The following SLC13A3 variants were observed in gnomAD, a reference collection of about 807,000 sequenced individuals.
The protein encoded by SLC13A3 is solute carrier family 13 member 3.
In SLC13A3, 40 loss-of-function variants were observed where a neutral mutation model predicts 59.0. The ratio of observed to expected loss-of-function variants is 0.68; its 90% CI spans 0.53 to 0.88. SLC13A3 has a LOEUF of 0.88. SLC13A3 is among the 40% of genes least tolerant of loss of function. SLC13A3 has a pLI of 0.00. For missense variants in SLC13A3, 699 were observed against 783.2 expected (o/e 0.89, Z 1.28); for synonymous variants, 317 against 330.3 (o/e 0.96, Z 0.44).
intron 1 of SLC13A3, among the ~76,000 whole-genome samples, chr20:46,634,734 C>T (rs1380124882): frequency 6.6e-6 from 1 of 152,142 alleles, no homozygotes; most frequent in East Asian, 1.9e-4. Context: ...CTCCTGGTGG[C>T]CTCACTCAGC....
chr20:46,639,850 G>A (rs1415737954), intron 1 of SLC13A3, among the ~76,000 whole-genome samples: 1 of 152,150 alleles, frequency 6.6e-6, no homozygotes. Flanking sequence ...TGTAAAATGG[G>A]TCCATCACCT....
intron 1 of SLC13A3, among the ~76,000 whole-genome samples, chr20:46,683,789 C>T (rs556274979): frequency 1.1e-3 from 170 of 152,288 alleles, no homozygotes; most frequent in Non-Finnish European, 1.9e-3. Context: ...CACCGCGTTC[C>T]CTGCCTCAGT....
intron 5 of SLC13A3, among the ~76,000 whole-genome samples, chr20:46,593,523 G>A (rs2062280635): frequency 6.6e-6 from 1 of 152,062 alleles, no homozygotes; most frequent in Non-Finnish European, 1.5e-5. Flanking sequence ...ATTCTAAGAG[G>A]TTTTTATTTC....
At chr20:46,665,840 T>A (rs556098367) in intron 1 of SLC13A3, among the ~76,000 whole-genome samples, 1 of 152,348 alleles carries the variant, frequency 6.6e-6, no homozygotes, top group East Asian at 1.9e-4. Context: ...GTGTCTGCAC[T>A]ATTTCACAAT....
At chr20:46,665,101 A>G (rs1044656961) in intron 1 of SLC13A3, among the ~76,000 whole-genome samples, 1 of 152,144 alleles carries the variant, frequency 6.6e-6, no homozygotes, top group Non-Finnish European at 1.5e-5. Context: ...CACCTGTTTA[A>G]AAGTGAATAT....
At chr20:46,637,116 T>A (rs1462233225) in intron 1 of SLC13A3, among the ~76,000 whole-genome samples, 1 of 152,138 alleles carries the variant, frequency 6.6e-6, no homozygotes, top group Non-Finnish European at 1.5e-5. Context: ...TTCAATTCTC[T>A]TATGTTTACC....
At chr20:46,567,574 G>A (rs914714867) in intron 10 of SLC13A3, among the ~76,000 whole-genome samples, 4 of 152,122 alleles carry the variant, frequency 2.6e-5, no homozygotes, top group African/African-American at 9.7e-5. Context: ...TAAATTAAGA[G>A]CAATGCCCAG....
intron 12 of SLC13A3, among the ~76,000 whole-genome samples, chr20:46,560,449 G>A (rs867619321): frequency 2.6e-5 from 4 of 152,144 alleles, no homozygotes; most frequent in Non-Finnish European, 5.9e-5. Context: ...TGTGTGCTAC[G>A]CAGTTGTCAC....
chr20:46,575,258 T>C lies in SLC13A3; in HGVS notation c.1332+315A>G, dbSNP rs748474479. Reference sequence around the variant, plus strand: ...AAGCATGTTGAACAGTGTCTGGCATTGGGTGAGCGCAATATGTTGTTATCC... The same window carrying C: ...AAGCATGTTGAACAGTGTCTGGCATCGGGTGAGCGCAATATGTTGTTATCC... On this transcript the variant is annotated intron_variant, in intron 10 of 12. Coordinates refer to ENST00000279027, the MANE Select transcript of SLC13A3 (RefSeq NM_022829.6). Among the ~76,000 whole-genome samples the C allele has an allele frequency of 5.3e-5, 8 of 152,214 alleles. No individual in the cohort carries two copies. In the East Asian group the frequency reaches 1.5e-3, roughly 29 times the overall value.
intron 1 of SLC13A3, among the ~76,000 whole-genome samples, chr20:46,646,088 T>C (rs1296013019): frequency 2.0e-5 from 3 of 152,080 alleles, no homozygotes; most frequent in African/African-American, 7.2e-5. Flanking sequence ...AATGAGATGA[T>C]AGAAGGTAAA....
At chr20:46,600,548 C>A in intron 3 of SLC13A3, 1 of 421,730 alleles carries the variant, frequency 2.4e-6, no homozygotes, top group Non-Finnish European at 5.1e-6. Context: ...GGTTTAGCTG[C>A]AGGGCTGCTT....
chr20:46,570,397 AT>A (rs1339884954), intron 10 of SLC13A3, among the ~76,000 whole-genome samples: 3 of 152,262 alleles, frequency 2.0e-5, no homozygotes, highest in Non-Finnish European at 4.4e-5. Flanking sequence ...CAATAAGCCC[AT>A]CACGAATTGA....
rs144630775 is a variant in SLC13A3 at position 46,593,929 on chromosome 20, T to C, written c.795-1400A>G. On this transcript the variant is annotated intron_variant, in intron 5 of 12. Coordinates refer to ENST00000279027, the MANE Select transcript of SLC13A3 (RefSeq NM_022829.6). ...GTATTTCAAACTTCTTTTTCTACAT[T>C]TTCCAAATGTTCTTTAGTGTGCCAA... Among the ~76,000 whole-genome samples the C allele has an allele frequency of 3.1e-3, 473 of 152,264 alleles. 2 individuals are homozygous for C. The highest frequency in any genetic ancestry group is 0.011 in the African/African-American group (459 of 41,580).
At chr20:46,656,896 G>A (rs1380544768) in intron 1 of SLC13A3, among the ~76,000 whole-genome samples, 1 of 151,946 alleles carries the variant, frequency 6.6e-6, no homozygotes, top group Non-Finnish European at 1.5e-5. Flanking sequence ...TCCATTTGCT[G>A]TTGAACCCAT....
At chr20:46,626,274 CCCT>C (rs1321406920) in intron 1 of SLC13A3, among the ~76,000 whole-genome samples, 3 of 150,034 alleles carry the variant, frequency 2.0e-5, no homozygotes, top group Non-Finnish European at 4.5e-5. Context: ...TTCTCTCTCT[CCCT>C]CCTCCTCCCT....
At chr20:46,595,450 G>T (rs1266102204) in intron 5 of SLC13A3, among the ~76,000 whole-genome samples, 1 of 152,148 alleles carries the variant, frequency 6.6e-6, no homozygotes, top group Non-Finnish European at 1.5e-5. Context: ...CAGGGGTGGG[G>T]AGACTTTAGC....
chr20:46,604,009 CAG>C lies in SLC13A3; in HGVS notation c.542-3974_542-3973del, dbSNP rs1052977156. Among the ~76,000 whole-genome samples, 346 of 149,234 alleles carry C rather than the reference CAG, an allele frequency of 2.3e-3. 2 individuals carry two copies. The highest frequency in any genetic ancestry group is 8.0e-3 in the African/African-American group (326 of 40,566). ...CCATCTCAAAAAAAAAAAAAAAAGACAGAAAGAATTTAACAGGAAGCTGAGTA... is the reference window on the plus strand; with the variant it reads ...CCATCTCAAAAAAAAAAAAAAAAGACAAAGAATTTAACAGGAAGCTGAGTA... On this transcript the variant is annotated intron_variant, in intron 3 of 12. Transcript: ENST00000279027.
chr20:46,678,632 A>G (rs2063139015), intron 1 of SLC13A3, among the ~76,000 whole-genome samples: 3 of 152,340 alleles, frequency 2.0e-5, no homozygotes, highest in South Asian at 2.1e-4. Context: ...CTGGTGTCAG[A>G]GCAGGGAGAG....
intron 1 of SLC13A3, among the ~76,000 whole-genome samples, chr20:46,615,578 G>C (rs2062546761): frequency 1.3e-5 from 2 of 152,168 alleles, no homozygotes; most frequent in South Asian, 2.1e-4. Context: ...CTGACAGCTT[G>C]GCTGATAGAT....
Sources: allele counts gnomAD v4.1 joint callset (sites outside exome capture counted in the v4.1 genomes callset), GRCh38; gene constraint gnomAD v4.1.1; transcripts MANE v1.5; gene names NCBI Gene and HGNC (gene_info 2026-07-23, HGNC 2026-07-21).